ZNF37A: variants seen among roughly 807,000 people sequenced by gnomAD.
The protein encoded by ZNF37A is zinc finger protein 37a (KOX 21).
In ZNF37A, 10 loss-of-function variants were observed where a neutral mutation model predicts 12.3. That is an observed-to-expected ratio of 0.82 (90% CI 0.50 to 1.38). The LOEUF (loss-of-function observed/expected upper bound fraction) is 1.38, where lower values mean the gene tolerates loss of function less well. Ranked by LOEUF, ZNF37A falls within the 40% of genes most tolerant of loss-of-function variation. The pLI is 0.00. For synonymous variants in ZNF37A, 207 were observed against 223.0 expected (o/e 0.93, Z 0.64); for missense variants, 580 against 651.2 (o/e 0.89, Z 1.19).
At chr10:38,112,746 T>TCGGTCTCGGTCTCGGTCTCGGTC (rs1564931904) in intron 5 of ZNF37A, among the ~76,000 whole-genome samples, 1 of 106,402 alleles carries the variant, frequency 9.4e-6, no homozygotes, top group Non-Finnish European at 1.9e-5. Context: ...TTTTCTTTTC[T>TCGGTCTCGGTCTCGGTCTCGGTC]TTTCTTTTCT....
intron 7 of ZNF37A, among the ~76,000 whole-genome samples, chr10:38,136,147 T>C (rs2070104862): frequency 2.0e-5 from 3 of 152,114 alleles, no homozygotes; most frequent in Non-Finnish European, 4.4e-5. Context: ...TTTCAAAGCA[T>C]TTTTTTCTTT....
chr10:38,097,583 C>CAAA lies in ZNF37A; in HGVS notation c.15+980_15+982dup, dbSNP rs71007695. ...TGGGTGACAGAGTGAGACTCTGTCT[C>CAAA]AAAAAAAAAAAAAAAAAAAAAAAAA... On this transcript the variant is annotated intron_variant, in intron 5 of 7. Transcript: ENST00000685332. 9.5e-4 allele frequency among the ~76,000 whole-genome samples: 59 copies of CAAA among 61,926 alleles called. 4 individuals carry two copies. The highest frequency in any genetic ancestry group is 1.3e-3 in the Non-Finnish European group (36 of 28,492). 40.6% of individuals were successfully genotyped at this position (61,926 alleles called of 152,430 possible).
rs980126625 is a variant in ZNF37A, at chr10:38,123,374, T to A, written c.*4537T>A. On this transcript the variant is annotated 3_prime_UTR_variant, in exon 8 of 8. Transcript: ENST00000685332. ...AAAATAATAGCAGTTTCTATAAATT[T>A]AATATTTCAATAAAACTCCCAGTAT... 1 of 152,212 alleles carries A rather than the reference T, an allele frequency of 6.6e-6. No homozygotes were observed. Among genetic ancestry groups the A allele is most frequent in the Non-Finnish European group, 1.5e-5 (1 of 68,036 alleles). The allele number at this position is 152,212 out of a possible 1,614,324, so 9.4% of individuals were successfully genotyped here.
chr10:38,118,037 G>GT lies in ZNF37A; in HGVS notation c.886_887insT (p.Gly296ValfsTer5). ...AAGACATCAGAGAACACACACAGGG[G>GT]GAAAACCCTATGAATGTCATGAATG... is the stretch of plus-strand genomic sequence containing the variant. On this transcript the variant is annotated frameshift_variant, in exon 8 of 8. Coordinates refer to ENST00000685332, the MANE Select transcript of ZNF37A (RefSeq NM_001324250.3). LOFTEE classifies it low-confidence loss of function (END_TRUNC). The GT allele has an allele frequency of 6.2e-7, 1 of 1,613,950 alleles. No individual in the cohort carries two copies. The highest frequency in any genetic ancestry group is 2.2e-5 in the East Asian group (1 of 44,862).
chr10:38,134,223 G>T (rs1008854774), intron 7 of ZNF37A, among the ~76,000 whole-genome samples: 1 of 152,078 alleles, frequency 6.6e-6, no homozygotes, highest in African/African-American at 2.4e-5. Flanking sequence ...CTTTGCAATG[G>T]GCTCGAACAT....
chr10:38,112,988 A>G (rs1406973929), intron 5 of ZNF37A, among the ~76,000 whole-genome samples: 1 of 151,372 alleles, frequency 6.6e-6, no homozygotes, highest in African/African-American at 2.4e-5. Flanking sequence ...TTGTATTTTT[A>G]GTAGAGACAG....
chr10:38,128,503 T>C (rs546857767), downstream of ZNF37A, among the ~76,000 whole-genome samples: 1 of 152,284 alleles, frequency 6.6e-6, no homozygotes, highest in East Asian at 1.9e-4. Context: ...TCACAAATGG[T>C]TCCCTGTTAA....
chr10:38,105,258 G>A (rs1216550053), intron 5 of ZNF37A, among the ~76,000 whole-genome samples: 1 of 152,030 alleles, frequency 6.6e-6, no homozygotes, highest in Non-Finnish European at 1.5e-5. Flanking sequence ...GCCCACCTTG[G>A]CCTAACAAAG....
rs2069554664 is a variant in ZNF37A, at chr10:38,119,386, GAA to G, written c.*551_*552del. 5.0e-6 allele frequency: 5 copies of G among 993,116 alleles called. No homozygotes were observed. The highest frequency in any genetic ancestry group is 6.0e-6 in the Non-Finnish European group (5 of 831,174). The allele number at this position is 993,116 out of a possible 1,614,324, so 61.5% of individuals were successfully genotyped here. A position where few individuals can be genotyped will look rare whatever the true frequency, so the allele number is the denominator to read the frequency against. Reference sequence around the variant, plus strand: ...ATGCACAAACTGTAGGAAACTATAGGAAAGCATTTACTATGAGGTTATATTTT... The same window carrying G: ...ATGCACAAACTGTAGGAAACTATAGGAGCATTTACTATGAGGTTATATTTT... On this transcript the variant is annotated 3_prime_UTR_variant, in exon 8 of 8. Transcript: ENST00000685332.
In ZNF37A at chr10:38,118,151, A is replaced by T. The variant is rs1297856702; in HGVS notation, c.1000A>T (p.Lys334Ter). The T allele has an allele frequency of 2.5e-6, 4 of 1,614,018 alleles. No homozygotes were observed. The highest frequency in any genetic ancestry group is 3.3e-4 in the Middle Eastern group (2 of 6,060). ...ERPYGCHECG[K>*]SFSEKSTLTQ... The stretch of plus-strand genomic sequence containing the variant: ...ACCTTATGGATGTCATGAATGTGGG[A>T]AATCCTTCAGTGAAAAGTCAACCCT... The change falls in exon 8 of 8, where the codon AAA (lysine) becomes TAA (stop). Residue 334 changes from lysine to a stop codon, truncating the protein, a stop_gained. Coordinates refer to ENST00000685332, the MANE Select transcript of ZNF37A (RefSeq NM_001324250.3). LOFTEE classifies it low-confidence loss of function (END_TRUNC).
In ZNF37A at chr10:38,121,528, G is replaced by A. The variant is rs1478293547; in HGVS notation, c.*2691G>A. ...CTGGCACCAAGAGGGCTGAGGGTGAGGTGTGGAAGGGACAGGGGGAGGAGA... is the reference window on the plus strand; with the variant it reads ...CTGGCACCAAGAGGGCTGAGGGTGAAGTGTGGAAGGGACAGGGGGAGGAGA... On this transcript the variant is annotated 3_prime_UTR_variant, in exon 8 of 8. Coordinates refer to ENST00000685332, the MANE Select transcript of ZNF37A (RefSeq NM_001324250.3). 6.6e-6 allele frequency: 1 copy of A among 152,412 alleles called. No individual in the cohort carries two copies. Among genetic ancestry groups the A allele is most frequent in the Non-Finnish European group, 1.5e-5 (1 of 68,104 alleles). The allele number at this position is 152,412 out of a possible 1,614,324, so 9.4% of individuals were successfully genotyped here.
At chr10:38,138,783 C>T (rs983744715) in intron 7 of ZNF37A, 1 of 152,142 alleles carries the variant, frequency 6.6e-6, no homozygotes, top group African/African-American at 2.4e-5. Flanking sequence ...ATTTTAGAGT[C>T]TTGTCATTAA....
At chr10:38,099,588 A>G (rs555785969) in intron 5 of ZNF37A, among the ~76,000 whole-genome samples, 1 of 152,322 alleles carries the variant, frequency 6.6e-6, no homozygotes, top group East Asian at 1.9e-4. Context: ...TGGGTGTACA[A>G]CTATCTCTTT....
chr10:38,144,278 A>G (rs2070224851), intron 7 of ZNF37A: 5 of 140,984 alleles, frequency 3.5e-5, no homozygotes, highest in Middle Eastern at 3.4e-3. Flanking sequence ...TGTGAGAAAG[A>G]AAAGATACTA....
At chr10:38,109,975 G>T (rs984692927) in intron 5 of ZNF37A, among the ~76,000 whole-genome samples, 3 of 152,050 alleles carry the variant, frequency 2.0e-5, no homozygotes, top group Admixed American at 1.3e-4. Context: ...ATTCTTCACA[G>T]AATTAGAAAA....
intron 7 of ZNF37A, chr10:38,137,656 C>G (rs1026431688): frequency 4.6e-5 from 7 of 152,148 alleles, no homozygotes; most frequent in Non-Finnish European, 7.3e-5. Context: ...TTATGGACCC[C>G]AATGCCACAT....
exon 8 of ZNF37A, chr10:38,149,097 C>T (rs1271437322): frequency 6.6e-6 from 1 of 152,078 alleles, no homozygotes; most frequent in Admixed American, 6.5e-5. Context: ...CTTCACCTCC[C>T]AAAGTGCTGG....
At chr10:38,131,019 A>G (rs1429039960) in intron 7 of ZNF37A, among the ~76,000 whole-genome samples, 1 of 152,120 alleles carries the variant, frequency 6.6e-6, no homozygotes, top group African/African-American at 2.4e-5. Flanking sequence ...ATGTCAAAGA[A>G]TTTTCAAGTC....
intron 7 of ZNF37A, chr10:38,142,100 A>G (rs1182490673): frequency 1.3e-5 from 2 of 152,272 alleles, no homozygotes; most frequent in Admixed American, 1.3e-4. Context: ...AGAGAAAAAT[A>G]AAAGAGGCTA....
Sources: allele counts gnomAD v4.1 joint callset (sites outside exome capture counted in the v4.1 genomes callset), GRCh38; gene constraint gnomAD v4.1.1; transcripts MANE v1.5; gene names NCBI Gene and HGNC (gene_info 2026-07-23, HGNC 2026-07-21).